Variants in CFAP61 observed in about 807,000 individuals in gnomAD.
CFAP61 encodes the protein cilia- and flagella-associated protein 61.
CFAP61 carries 107 observed loss-of-function variants against 135.6 expected under a neutral mutation model. That is an observed-to-expected ratio of 0.79 (90% CI 0.67 to 0.93). The LOEUF is 0.93. Among genes scored for constraint, CFAP61 ranks in the 40% least tolerant of loss-of-function variants. CFAP61 has a pLI of 0.00. For synonymous variants in CFAP61, 575 were observed against 578.5 expected, an observed-to-expected ratio of 0.99 and a Z score of 0.09; for missense variants, 1,507 against 1,556.2, an observed-to-expected ratio of 0.97 and a Z score of 0.53.
chr20:20,064,687 A>G (rs149828696), intron 2 of CFAP61, among the ~76,000 whole-genome samples: 3 of 152,300 alleles, frequency 2.0e-5, no homozygotes, highest in African/African-American at 7.2e-5. Flanking sequence ...GTTGACTGCA[A>G]TTAACTATGA....
At chr20:20,334,234 C>G (rs2058096790) in intron 25 of CFAP61, among the ~76,000 whole-genome samples, 1 of 152,214 alleles carries the variant, frequency 6.6e-6, no homozygotes, top group South Asian at 2.1e-4. Context: ...TCAAGCAATT[C>G]TCCTGCCTCA....
At chr20:20,300,812 G>A (rs1296754302) in intron 25 of CFAP61, among the ~76,000 whole-genome samples, 2 of 151,918 alleles carry the variant, frequency 1.3e-5, no homozygotes, top group Non-Finnish European at 2.9e-5. Context: ...CACCATGTTG[G>A]CCAGGCTGGT....
At chr20:20,144,636 G>A (rs1228515253) in intron 9 of CFAP61, among the ~76,000 whole-genome samples, 1 of 151,432 alleles carries the variant, frequency 6.6e-6, no homozygotes, top group African/African-American at 2.4e-5. Flanking sequence ...AAGAAATAAT[G>A]ACTGAAAAAT....
intron 17 of CFAP61, among the ~76,000 whole-genome samples, chr20:20,203,311 G>A (rs968491474): frequency 2.0e-5 from 3 of 152,166 alleles, no homozygotes; most frequent in African/African-American, 7.2e-5. Context: ...GACCAAGACC[G>A]TAATTGACAT....
intron 24 of CFAP61, among the ~76,000 whole-genome samples, chr20:20,295,763 C>T (rs967855982): frequency 1.5e-4 from 23 of 151,664 alleles, no homozygotes; most frequent in Admixed American, 2.6e-4. Context: ...CCACCCCATG[C>T]AATGGTGTGA....
chr20:20,216,507 G>A lies in CFAP61; in HGVS notation c.1933-11742G>A, dbSNP rs565946733. On this transcript the variant is annotated intron_variant, in intron 17 of 26. Coordinates refer to ENST00000245957, the MANE Select transcript of CFAP61 (RefSeq NM_015585.4). The stretch of plus-strand genomic sequence containing the variant: ...AGTCTCAGACACCCTGCAAGTCACA[G>A]CTGTCATCACATAGGTGTCACTCTC... 9.2e-5 allele frequency among the ~76,000 whole-genome samples: 14 copies of A among 152,352 alleles called. No homozygotes were observed. In the South Asian group the frequency reaches 2.7e-3, roughly 29 times the overall value.
At position 20,095,907 on chromosome 20, in the gene CFAP61, G is replaced by C. The variant is rs1194252478; in HGVS notation, c.700-2748G>C. Among the ~76,000 whole-genome samples the C allele has an allele frequency of 2.0e-5, 3 of 152,172 alleles. No homozygotes were observed. In the East Asian group the frequency reaches 5.8e-4, roughly 29 times the overall value. On this transcript the variant is annotated intron_variant, in intron 7 of 26. Coordinates refer to ENST00000245957, the MANE Select transcript of CFAP61 (RefSeq NM_015585.4). ...GAAGCATAAATGAGAAAATACACAC[G>C]TTTCTGTAAATGGACCTGTTTGGGA... is the stretch of plus-strand genomic sequence containing the variant.
At chr20:20,278,006 A>G (rs1454881909) in intron 22 of CFAP61, among the ~76,000 whole-genome samples, 1 of 152,186 alleles carries the variant, frequency 6.6e-6, no homozygotes, top group Non-Finnish European at 1.5e-5. Context: ...CTCCCACCAC[A>G]TTCTATTTGC....
intron 8 of CFAP61, among the ~76,000 whole-genome samples, chr20:20,116,558 G>T (rs769616701): frequency 2.8e-4 from 43 of 152,248 alleles, no homozygotes; most frequent in Non-Finnish European, 5.6e-4. Flanking sequence ...TAGTTTCATT[G>T]TGTCAGGTCT....
At position 20,077,306 on chromosome 20, in the gene CFAP61, C is replaced by G. The variant is rs78698884; in HGVS notation, c.566+1691C>G. Reference sequence around the variant, plus strand: ...TCAGAAGGTTTATGCTGAGTGAAGGCAGACTTAGAAAAGCATATACAGTAC... The same window carrying G: ...TCAGAAGGTTTATGCTGAGTGAAGGGAGACTTAGAAAAGCATATACAGTAC... On this transcript the variant is annotated intron_variant, in intron 6 of 26. Transcript: ENST00000245957. Among the ~76,000 whole-genome samples, 631 of 152,266 alleles carry G rather than the reference C, an allele frequency of 4.1e-3. 5 individuals are homozygous for G. Among genetic ancestry groups the G allele is most frequent in the African/African-American group, 0.014 (599 of 41,554 alleles).
intron 25 of CFAP61, among the ~76,000 whole-genome samples, chr20:20,335,160 C>A (rs964316605): frequency 1.3e-5 from 2 of 152,152 alleles, no homozygotes; most frequent in African/African-American, 4.8e-5. Context: ...AGGTAGAAGT[C>A]ACACATGGAA....
intron 6 of CFAP61, among the ~76,000 whole-genome samples, chr20:20,089,309 G>A (rs1390528746): frequency 6.6e-6 from 1 of 152,048 alleles, no homozygotes; most frequent in Non-Finnish European, 1.5e-5. Flanking sequence ...TCTGCAAAGT[G>A]AAAATGGCAG....
At chr20:20,354,161 T>A (rs2058954969) in intron 26 of CFAP61, among the ~76,000 whole-genome samples, 1 of 152,182 alleles carries the variant, frequency 6.6e-6, no homozygotes, top group Admixed American at 6.5e-5. Flanking sequence ...GAAGTTCTGT[T>A]CTGTCATTTT....
chr20:20,144,914 A>G (rs2051743463), intron 9 of CFAP61, among the ~76,000 whole-genome samples: 1 of 152,198 alleles, frequency 6.6e-6, no homozygotes, highest in Non-Finnish European at 1.5e-5. Context: ...CCACCCTAGA[A>G]TTTTATACCC....
chr20:20,276,849 A>T (rs569360968), intron 21 of CFAP61, among the ~76,000 whole-genome samples: 7 of 152,250 alleles, frequency 4.6e-5, no homozygotes, highest in Non-Finnish European at 1.0e-4. Context: ...TTTCCTTAAT[A>T]AGTATAGCAA....
At chr20:20,059,566 C>T (rs113399511) in intron 2 of CFAP61, among the ~76,000 whole-genome samples, 2,042 of 151,254 alleles carry the variant, frequency 0.014, 45 homozygotes, top group African/African-American at 0.046. Flanking sequence ...TGCAGTGAGC[C>T]GAGATCGCAC....
At chr20:20,259,083 C>T (rs2051923089) in intron 20 of CFAP61, among the ~76,000 whole-genome samples, 1 of 152,062 alleles carries the variant, frequency 6.6e-6, no homozygotes, top group Non-Finnish European at 1.5e-5. Context: ...GTCATTACCA[C>T]AGAGATTCTA....
intron 9 of CFAP61, among the ~76,000 whole-genome samples, chr20:20,154,733 C>T (rs2052742578): frequency 6.6e-6 from 1 of 152,040 alleles, no homozygotes; most frequent in Non-Finnish European, 1.5e-5. Flanking sequence ...TGAAAGACCT[C>T]TACAAGGAAA....
At chr20:20,260,728 T>C (rs531606143) in intron 20 of CFAP61, among the ~76,000 whole-genome samples, 95 of 152,368 alleles carry the variant, frequency 6.2e-4, no homozygotes, top group African/African-American at 2.2e-3. Context: ...GATAACTCAT[T>C]GAAACTTTTA....
Sources: gnomAD v4.1 joint callset for allele counts (sites outside exome capture counted in the v4.1 genomes callset) on GRCh38, gnomAD v4.1.1 for gene constraint, MANE v1.5 for transcripts, NCBI Gene and HGNC (gene_info 2026-07-23, HGNC 2026-07-21) for gene names.